SMCO2: variants seen among roughly 807,000 people sequenced by gnomAD.
The protein encoded by SMCO2 is single-pass membrane protein with coiled-coil domains 2, also known as single-pass membrane and coiled-coil domain-containing protein 2.
Under a neutral mutation model 29.5 loss-of-function variants are expected in SMCO2, and 25 were observed. The ratio of observed to expected loss-of-function variants is 0.85; its 90% CI spans 0.62 to 1.18. The LOEUF (loss-of-function observed/expected upper bound fraction) is 1.18, where lower values mean the gene tolerates loss of function less well. Ranked by LOEUF, SMCO2 falls within the 50% of genes most tolerant of loss-of-function variation. The pLI is 0.00. For synonymous variants in SMCO2, 117 were observed against 123.3 expected, an observed-to-expected ratio of 0.95 and a Z score of 0.34; for missense variants, 348 against 344.5, an observed-to-expected ratio of 1.01 and a Z score of -0.08.
the SMCO2 span, among the ~76,000 whole-genome samples, chr12:27,454,160 T>G: frequency 3.3e-5 from 5 of 150,420 alleles, no homozygotes; most frequent in African/African-American, 1.3e-4. Context: ...TATTTTTAAA[T>G]TTTTTGTAGA....
chr12:27,455,647 A>G, the SMCO2 span, among the ~76,000 whole-genome samples: 19 of 152,228 alleles, frequency 1.2e-4, no homozygotes, highest in Admixed American at 1.2e-3. Context: ...TTGTATGTGC[A>G]AAAAGAAGCA....
At chr12:27,490,365 G>A (rs1463017921) in intron 5 of SMCO2, among the ~76,000 whole-genome samples, 1 of 152,226 alleles carries the variant, frequency 6.6e-6, no homozygotes, top group Non-Finnish European at 1.5e-5. Flanking sequence ...GTGGAGGAAG[G>A]GGGACAGGGA....
At chr12:27,498,370 A>G (rs979219822) in intron 7 of SMCO2, 2 of 224,220 alleles carry the variant, frequency 8.9e-6, no homozygotes, top group Non-Finnish European at 1.8e-5. Context: ...AGATACAACA[A>G]AAGATTTTAG....
chr12:27,453,090 A>G, the SMCO2 span, among the ~76,000 whole-genome samples: 1 of 152,190 alleles, frequency 6.6e-6, no homozygotes, highest in Non-Finnish European at 1.5e-5. Context: ...AAAGGGAGAC[A>G]TCTGTAGATT....
the SMCO2 span, among the ~76,000 whole-genome samples, chr12:27,451,865 T>G: frequency 1.3e-5 from 2 of 152,214 alleles, no homozygotes; most frequent in Admixed American, 1.3e-4. Context: ...CTACCCTCCT[T>G]CTTGCCTTCT....
At chr12:27,444,239 A>G in the SMCO2 span, among the ~76,000 whole-genome samples, 1 of 152,230 alleles carries the variant, frequency 6.6e-6, no homozygotes, top group Non-Finnish European at 1.5e-5. Context: ...AGAACATACA[A>G]TAGGGAAAGG....
chr12:27,450,572 T>G, the SMCO2 span, among the ~76,000 whole-genome samples: 1 of 152,192 alleles, frequency 6.6e-6, no homozygotes, highest in African/African-American at 2.4e-5. Context: ...ACTTCAGGAC[T>G]GGTAAATCAG....
the SMCO2 span, among the ~76,000 whole-genome samples, chr12:27,443,815 A>G: frequency 6.6e-6 from 1 of 152,254 alleles, no homozygotes; most frequent in Admixed American, 6.5e-5. Context: ...GATGAAAGAC[A>G]TTGAACAGGA....
intron 7 of SMCO2, chr12:27,498,216 T>C: frequency 3.1e-6 from 1 of 322,214 alleles, no homozygotes; most frequent in South Asian, 3.8e-5. Flanking sequence ...GCTTACTTTT[T>C]GTGTGGTTTC....
At chr12:27,489,096 T>G (rs749020546) in intron 5 of SMCO2, among the ~76,000 whole-genome samples, 2 of 152,170 alleles carry the variant, frequency 1.3e-5, no homozygotes, top group Non-Finnish European at 2.9e-5. Context: ...TTGCCCAGGC[T>G]GGAGTGCCGT....
At chr12:27,491,978 G>T (rs306643) in intron 5 of SMCO2, among the ~76,000 whole-genome samples, 5,010 of 152,048 alleles carry the variant, frequency 0.033, 286 homozygotes, top group African/African-American at 0.11. Context: ...CCAAGTGCTG[G>T]GATGACAGGC....
At chr12:27,456,801 A>G in the SMCO2 span, among the ~76,000 whole-genome samples, 4 of 152,124 alleles carry the variant, frequency 2.6e-5, no homozygotes, top group African/African-American at 9.7e-5. Flanking sequence ...GTACCCTGTT[A>G]GGTACCAGTT....
chr12:27,485,585 G>T (rs1949682591), intron 4 of SMCO2, among the ~76,000 whole-genome samples: 1 of 151,500 alleles, frequency 6.6e-6, no homozygotes, highest in Non-Finnish European at 1.5e-5. Context: ...TGGGATTATA[G>T]GCACGTGCCA....
In SMCO2 at chr12:27,499,646, C is replaced by T. The variant is rs539031688; in HGVS notation, c.684-2277C>T. Among the ~76,000 whole-genome samples the T allele has an allele frequency of 3.3e-5, 5 of 150,896 alleles. No individual in the cohort carries two copies. In the South Asian group the frequency reaches 8.4e-4, roughly 25 times the overall value. ...TAAGTAAATAGGTGAATGCCTTTCACGTATCGCTTTATTGTGTTATATCGG... is the reference window on the plus strand; with the variant it reads ...TAAGTAAATAGGTGAATGCCTTTCATGTATCGCTTTATTGTGTTATATCGG... On this transcript the variant is annotated intron_variant, in intron 7 of 7. Transcript: ENST00000298876.
chr12:27,494,067 C>T (rs986335460), intron 5 of SMCO2: 4 of 280,212 alleles, frequency 1.4e-5, no homozygotes, highest in Middle Eastern at 1.0e-3. Flanking sequence ...TGTGTAAATG[C>T]ATACCTCTAA....
chr12:27,471,910 C>T (rs1267653341), intron 2 of SMCO2, among the ~76,000 whole-genome samples: 1 of 152,120 alleles, frequency 6.6e-6, no homozygotes, highest in Non-Finnish European at 1.5e-5. Flanking sequence ...TATCTATTGA[C>T]CTAGAAGTTC....
the SMCO2 span, among the ~76,000 whole-genome samples, chr12:27,437,484 G>T: frequency 7.3e-5 from 11 of 151,636 alleles, no homozygotes; most frequent in African/African-American, 2.7e-4. Context: ...GGTTGATTTT[G>T]CCCACACCTA....
the SMCO2 span, among the ~76,000 whole-genome samples, chr12:27,428,652 TTG>T: frequency 6.6e-6 from 1 of 152,034 alleles, no homozygotes; most frequent in East Asian, 1.9e-4. Flanking sequence ...CAGTAAAGAA[TTG>T]TCTTAAATTC....
At chr12:27,491,005 G>A (rs1949730931) in intron 5 of SMCO2, among the ~76,000 whole-genome samples, 1 of 152,108 alleles carries the variant, frequency 6.6e-6, no homozygotes, top group South Asian at 2.1e-4. Flanking sequence ...TGTTACAGAA[G>A]CAAAGTTAGT....
Sources: gnomAD v4.1 joint callset for allele counts (sites outside exome capture counted in the v4.1 genomes callset) on GRCh38, gnomAD v4.1.1 for gene constraint, MANE v1.5 for transcripts, NCBI Gene and HGNC (gene_info 2026-07-23, HGNC 2026-07-21) for gene names.